The following SNX1 variants were observed in gnomAD, a reference collection of about 807,000 sequenced individuals.
SNX1 encodes sorting nexin 1.
A neutral mutation model predicts 71.8 loss-of-function variants in SNX1; 36 were observed. The ratio of observed to expected loss-of-function variants is 0.50; its 90% CI spans 0.38 to 0.66. SNX1 has a LOEUF of 0.66. Among genes scored for constraint, SNX1 ranks in the 30% least tolerant of loss-of-function variants. The probability of loss-of-function intolerance (pLI) is 0.00; values close to 1 mark genes in which losing one functional copy is unlikely to be tolerated. For synonymous variants in SNX1, 254 were observed against 240.7 expected (o/e 1.06, Z -0.51); for missense variants, 612 against 646.7 (o/e 0.95, Z 0.58).
rs1235910793 is a variant in SNX1, at chr15:64,112,643, T to A, written c.230T>A (p.Ile77Asn). 1 of 1,613,384 alleles carries A rather than the reference T, an allele frequency of 6.2e-7. No homozygotes were observed. Among genetic ancestry groups the A allele is most frequent in the Admixed American group, 1.7e-5 (1 of 59,940 alleles). Residue 77 changes from isoleucine to asparagine, a missense_variant, in exon 2 of 15, where the codon ATC becomes AAC. Coordinates refer to ENST00000559844, the MANE Select transcript of SNX1 (RefSeq NM_003099.5). ...PINNGSKENGIHEEQDQEPQD... is the reference protein window; with the variant it reads ...PINNGSKENGNHEEQDQEPQD... ...AACAATGGCTCCAAAGAAAATGGGATCCATGAAGAACAAGACCAAGAGCCA... is the reference window on the plus strand; with the variant it reads ...AACAATGGCTCCAAAGAAAATGGGAACCATGAAGAACAAGACCAAGAGCCA...
intron 1 of SNX1, among the ~76,000 whole-genome samples, chr15:64,105,337 CT>C (rs539273787): frequency 3.2e-4 from 49 of 152,194 alleles, no homozygotes; most frequent in Admixed American, 2.6e-3. Flanking sequence ...ACTCTGACAA[CT>C]TGGCCATTTG....
At chr15:64,102,759 T>C (rs2080976996) in intron 1 of SNX1, among the ~76,000 whole-genome samples, 1 of 121,130 alleles carries the variant, frequency 8.3e-6, no homozygotes, top group Non-Finnish European at 1.8e-5. Flanking sequence ...ATACCACGCC[T>C]TCTTTTTTTT....
chr15:64,131,623 C>G lies in SNX1; in HGVS notation c.1016-64C>G. 5 of 1,517,516 alleles carry G rather than the reference C, an allele frequency of 3.3e-6. No homozygotes were observed. In the South Asian group the frequency reaches 4.6e-5, roughly 14 times the overall value. 94.0% of individuals were successfully genotyped at this position (1,517,516 alleles called of 1,614,324 possible). On this transcript the variant is annotated intron_variant, in intron 10 of 14. Transcript: ENST00000559844. ...ATTGCTAAGACATGCCATGCAGTGT[C>G]AGCTGATTTGTCCCTTTTCCTTGTG...
intron 2 of SNX1, among the ~76,000 whole-genome samples, 184 bp downstream of exon 2, chr15:64,112,868 G>A (rs1217478258): frequency 6.6e-6 from 1 of 152,148 alleles, no homozygotes; most frequent in Admixed American, 6.5e-5. Flanking sequence ...CAGATTTAGG[G>A]AGTAAGATAT....
intron 13 of SNX1, 109 bp from the exon 14 acceptor site, chr15:64,136,752 T>C: frequency 1.3e-6 from 1 of 776,564 alleles, no homozygotes; most frequent in Middle Eastern, 2.4e-4. Flanking sequence ...TTCCACCTGC[T>C]GCCTCTACTT....
At chr15:64,105,927 G>C (rs2081016153) in intron 1 of SNX1, among the ~76,000 whole-genome samples, 1 of 152,052 alleles carries the variant, frequency 6.6e-6, no homozygotes, top group South Asian at 2.1e-4. Flanking sequence ...CAATTGGCAG[G>C]CCCTGTAAAG....
chr15:64,134,665 C>T lies in SNX1; in HGVS notation c.1223C>T (p.Ala408Val). Residue 408 changes from alanine to valine, a missense_variant and splice_region_variant, in exon 12 of 15, where the codon GCT (alanine) becomes GTT (valine). Around this residue, in one of 2 missense-constraint regions of SNX1, gnomAD observed 296 missense variants for 361.9 expected, o/e 0.82. Transcript: ENST00000559844. The surrounding 1 kb of genome is among the most constrained non-coding windows in gnomAD (Gnocchi z 4.1). Reference sequence around the variant, plus strand: ...TCCTCCTCAACCCCACCCCCACAGGCTGCCTTCGACCAGCGCATGAAGACA... The same window carrying T: ...TCCTCCTCAACCCCACCCCCACAGGTTGCCTTCGACCAGCGCATGAAGACA... The part of the protein sequence containing the change: ...DYIRLLAIVR[A>V]AFDQRMKTWQ... The T allele has an allele frequency of 6.2e-7, 1 of 1,609,598 alleles. No homozygotes were observed. Among genetic ancestry groups the T allele is most frequent in the Non-Finnish European group, 8.5e-7 (1 of 1,177,808 alleles).
intron 4 of SNX1, among the ~76,000 whole-genome samples, chr15:64,119,810 T>C (rs1335978218): frequency 6.6e-6 from 1 of 151,904 alleles, no homozygotes; most frequent in Non-Finnish European, 1.5e-5. Context: ...TCTTTTGAGA[T>C]AGTAAATCCA....
rs2081336907 is a variant in SNX1 at position 64,134,488 on chromosome 15, T to C, written c.1222-176T>C. 2 of 670,554 alleles carry C rather than the reference T, an allele frequency of 3.0e-6. No homozygotes were observed. Among genetic ancestry groups the C allele is most frequent in the South Asian group, 4.0e-5 (2 of 49,788 alleles). The allele number at this position is 670,554 out of a possible 1,614,324, so 41.5% of individuals were successfully genotyped here. ...CTTCTGGAAGCTTGGAGAGGAGTCT[T>C]ACCCAAGCTTTGCTCCTAGACATTA... On this transcript the variant is annotated intron_variant, in intron 11 of 14. Transcript: ENST00000559844. The surrounding 1 kb of genome is among the most constrained non-coding windows in gnomAD (Gnocchi z 4.1).
intron 14 of SNX1, 113 bp from the exon 15 acceptor site, chr15:64,137,455 T>G: frequency 1.7e-6 from 2 of 1,155,216 alleles, no homozygotes; most frequent in Non-Finnish European, 2.5e-6. Context: ...GAGCCTGCCT[T>G]TGTGTGGCAG....
intron 3 of SNX1, 40 bp from the exon 4 acceptor site, chr15:64,118,748 T>C (rs1595989842): frequency 6.7e-7 from 1 of 1,500,912 alleles, no homozygotes; most frequent in African/African-American, 1.4e-5. Flanking sequence ...TAGCTTTTTT[T>C]TTCATATCAA....
chr15:64,108,170 G>A (rs1472938304), intron 1 of SNX1, among the ~76,000 whole-genome samples: 5 of 151,314 alleles, frequency 3.3e-5, no homozygotes, highest in Non-Finnish European at 4.4e-5. Flanking sequence ...TCCAGCCTGG[G>A]CGACAGAGTG....
chr15:64,102,761 CTTTTTT>C (rs60616312), intron 1 of SNX1, among the ~76,000 whole-genome samples: 11 of 76,428 alleles, frequency 1.4e-4, no homozygotes, highest in African/African-American at 2.1e-4. Context: ...ACCACGCCTT[CTTTTTT>C]TTTTTTTTTT....
chr15:64,118,871 A>G lies in SNX1; in HGVS notation c.466+17A>G, dbSNP rs756321252. ...AGAAGATAGGTAAGTGGTTCTTAGG[A>G]CTCCTTGTGATGTTAGGATGTGGCT... is the stretch of plus-strand genomic sequence containing the variant. On this transcript the variant is annotated intron_variant, in intron 4 of 14. Transcript: ENST00000559844. 5 of 1,597,642 alleles carry G rather than the reference A, an allele frequency of 3.1e-6. No homozygotes were observed. The highest frequency in any genetic ancestry group is 3.4e-6 in the Non-Finnish European group (4 of 1,166,636).
At chr15:64,096,508 C>G (rs1357243586) in intron 1 of SNX1, among the ~76,000 whole-genome samples, 2 of 152,230 alleles carry the variant, frequency 1.3e-5, no homozygotes, top group Non-Finnish European at 2.9e-5. Context: ...AAGGCAGATT[C>G]AGTAGGACGG....
At position 64,122,077 on chromosome 15, in the gene SNX1, A is replaced by T. The variant is rs531321341; in HGVS notation, c.467-1426A>T. Among the ~76,000 whole-genome samples, 60 of 152,306 alleles carry T rather than the reference A, an allele frequency of 3.9e-4. 1 individual carries two copies. The South Asian group carries it at 0.012, about 30-fold the overall frequency. On this transcript the variant is annotated intron_variant, in intron 4 of 14. Transcript: ENST00000559844. ...ATGCAGTATGTCTCTTTTCATGTAC[A>T]TTGCCTAAGTAAAAGCAGCTGAGAA... is the stretch of plus-strand genomic sequence containing the variant.
intron 7 of SNX1, among the ~76,000 whole-genome samples, 186 bp from the exon 8 acceptor site, chr15:64,127,545 T>G (rs1311063970): frequency 6.6e-6 from 1 of 152,214 alleles, no homozygotes; most frequent in African/African-American, 2.4e-5. Flanking sequence ...TTTCCCTCCC[T>G]TTTTGGAAAT....
chr15:64,142,285 G>A lies in SNX1; in HGVS notation c.*4667G>A, dbSNP rs889348413. ...TGAGGTTGCAGTGAGCTACAGTTGC[G>A]CCACTGCACTCCAGCCTAGGTGACA... On this transcript the variant is annotated 3_prime_UTR_variant, in exon 15 of 15. Coordinates refer to ENST00000559844, the MANE Select transcript of SNX1 (RefSeq NM_003099.5). 2.0e-5 allele frequency: 4 copies of A among 198,650 alleles called. No homozygotes were observed. The highest frequency in any genetic ancestry group is 3.1e-5 in the Non-Finnish European group (3 of 96,410). 12.3% of individuals were successfully genotyped at this position (198,650 alleles called of 1,614,324 possible). A position where few individuals can be genotyped will look rare whatever the true frequency, so the allele number is the denominator to read the frequency against.
intron 11 of SNX1, among the ~76,000 whole-genome samples, chr15:64,133,047 C>G (rs116925838): frequency 6.6e-6 from 1 of 152,222 alleles, no homozygotes; most frequent in African/African-American, 2.4e-5. Flanking sequence ...GAGCTTGTAC[C>G]ACAGGGGTGA....
Sources: gnomAD v4.1 joint callset for allele counts (sites outside exome capture counted in the v4.1 genomes callset) on GRCh38, gnomAD v4.1.1 for gene constraint, gnomAD v4.1.1 regional missense constraint, Gnocchi (gnomAD v3.1) non-coding constraint, MANE v1.5 for transcripts, NCBI Gene and HGNC (gene_info 2026-07-23, HGNC 2026-07-21) for gene names.